Variants in CEP41 observed in about 807,000 individuals in gnomAD.
CEP41 encodes the protein centrosomal protein of 41 kDa.
CEP41 carries 32 observed loss-of-function variants against 44.3 expected under a neutral mutation model. The observed-to-expected ratio is 0.72, with a 90% CI of 0.54 to 0.97. The LOEUF is 0.97. Ranked by LOEUF, CEP41 falls within the 50% of genes least tolerant of loss-of-function variation. The pLI is 0.00. For missense variants in CEP41, 432 were observed against 455.2 expected, an observed-to-expected ratio of 0.95 and a Z score of 0.46; for synonymous variants, 151 against 168.5, an observed-to-expected ratio of 0.90 and a Z score of 0.80.
rs542821366 is a variant in CEP41 at position 130,401,693 on chromosome 7, C to T, written c.642+188G>A. The stretch of plus-strand genomic sequence containing the variant: ...TAGTGTTTTTTGGCCCAGGGCAAGA[C>T]GGTTTGAAAGCATCCGCCTAAAGAG... On this transcript the variant is annotated intron_variant, in intron 8 of 10. Coordinates refer to ENST00000223208, the MANE Select transcript of CEP41 (RefSeq NM_018718.3). Among the ~76,000 whole-genome samples the T allele has an allele frequency of 2.2e-4, 33 of 152,238 alleles. 1 individual carries two copies. The South Asian group carries it at 3.3e-3, about 15-fold the overall frequency.
chr7:130,420,796 G>A lies in CEP41; in HGVS notation c.98-3830C>T, dbSNP rs1294185114. On this transcript the variant is annotated intron_variant, in intron 2 of 10. Coordinates refer to ENST00000223208, the MANE Select transcript of CEP41 (RefSeq NM_018718.3). ...CAATAAATAAATAAATAAATAAATA[G>A]GAAAAATACACATTTGCTGAATGAA... 4.9e-6 allele frequency: 3 copies of A among 614,326 alleles called. No homozygotes were observed. The African/African-American group carries it at 6.0e-5, about 12-fold the overall frequency. 38.1% of individuals were successfully genotyped at this position (614,326 alleles called of 1,614,324 possible).
Position 130,401,918 on chromosome 7 carries a change from C to A in CEP41, c.605G>T (p.Arg202Ile). The A allele has an allele frequency of 6.2e-7, 1 of 1,610,930 alleles. No individual in the cohort carries two copies. Among genetic ancestry groups the A allele is most frequent in the South Asian group, 1.1e-5 (1 of 90,982 alleles). ...AYSYPIATLS[R>I]TMNPYSNDIL... ...ATCATTTGAATAAGGGTTCATTGTT[C>A]TAGACAGAGTTGCAATTGGGTAACT... The change falls in exon 8 of 11, where the codon AGA becomes ATA. Residue 202 changes from arginine to isoleucine, a missense_variant. By Grantham distance (97) the Arg-to-Ile change is moderately conservative. Transcript: ENST00000223208.
intron 2 of CEP41, chr7:130,421,140 GCAAA>G: frequency 1.0e-6 from 1 of 985,350 alleles, no homozygotes; most frequent in African/African-American, 1.7e-5. Context: ...ACAGTGCTGT[GCAAA>G]CACAGAGTGC....
intron 2 of CEP41, among the ~76,000 whole-genome samples, chr7:130,423,189 C>A (rs1554422649): frequency 6.6e-6 from 1 of 152,186 alleles, no homozygotes; most frequent in Non-Finnish European, 1.5e-5. Flanking sequence ...CTAAGGCAAT[C>A]CACCTGCCTC....
At chr7:130,400,645 T>A in intron 9 of CEP41, 62 bp downstream of exon 9, 1 of 964,852 alleles carries the variant, frequency 1.0e-6, no homozygotes, top group Non-Finnish European at 1.6e-6. Context: ...GAAAAGGGGA[T>A]GCAGGTGGGA....
Position 130,396,301 on chromosome 7 carries a change from G to T in CEP41, c.*2590C>A. 2.2e-6 allele frequency: 1 copy of T among 454,014 alleles called. No homozygotes were observed. The highest frequency in any genetic ancestry group is 4.4e-6 in the Non-Finnish European group (1 of 226,734). 28.1% of individuals were successfully genotyped at this position (454,014 alleles called of 1,614,324 possible). A position where few individuals can be genotyped will look rare whatever the true frequency, so the allele number is the denominator to read the frequency against. On this transcript the variant is annotated 3_prime_UTR_variant, in exon 11 of 11. Transcript: ENST00000223208. The stretch of plus-strand genomic sequence containing the variant: ...AGGAAGCCATGATCCAGTTGTTGAA[G>T]GTGGCTTCAGTCCCAGCCTGAGCAG...
chr7:130,411,793 G>A (rs1426923606), intron 4 of CEP41, among the ~76,000 whole-genome samples: 2 of 152,104 alleles, frequency 1.3e-5, no homozygotes, highest in African/African-American at 4.8e-5. Context: ...GCTCTGGCAG[G>A]ATGATTTGGA....
At chr7:130,427,501 T>C (rs1326035764) in intron 2 of CEP41, among the ~76,000 whole-genome samples, 1 of 152,166 alleles carries the variant, frequency 6.6e-6, no homozygotes, top group African/African-American at 2.4e-5. Flanking sequence ...AAAACACAAT[T>C]CATACTCAGC....
intron 5 of CEP41, among the ~76,000 whole-genome samples, chr7:130,405,880 G>A (rs138094039): frequency 9.3e-4 from 141 of 152,282 alleles, no homozygotes; most frequent in African/African-American, 3.2e-3. Context: ...GTTTGTGTGA[G>A]CTGGATTTTC....
chr7:130,408,293 T>C (rs1353781144), intron 5 of CEP41, among the ~76,000 whole-genome samples: 1 of 152,238 alleles, frequency 6.6e-6, no homozygotes, highest in African/African-American at 2.4e-5. Flanking sequence ...AGCCTGGAAA[T>C]TGTTCCAACT....
intron 6 of CEP41, among the ~76,000 whole-genome samples, chr7:130,404,046 A>T (rs1400833801): frequency 6.6e-6 from 1 of 152,194 alleles, no homozygotes; most frequent in East Asian, 1.9e-4. Context: ...TAATCCTTGG[A>T]ATAAGGAGGC....
In CEP41 at chr7:130,437,795, G is replaced by GA. The variant is rs1554426548; in HGVS notation, c.33+3138dup. Among the ~76,000 whole-genome samples the GA allele has an allele frequency of 3.1e-3, 375 of 120,200 alleles. 2 individuals are homozygous for GA. Among genetic ancestry groups the GA allele is most frequent in the African/African-American group, 9.8e-3 (309 of 31,458 alleles). The allele number at this position is 120,200 out of a possible 152,430, so 78.9% of individuals were successfully genotyped here. A position where few individuals can be genotyped will look rare whatever the true frequency, so the allele number is the denominator to read the frequency against. ...AAAAAAAAAAAAAAAAAAAGAAAAA[G>GA]AAAAAAAAAGATGTTGATGATTTTC... On this transcript the variant is annotated intron_variant, in intron 1 of 10. Transcript: ENST00000223208.
intron 3 of CEP41, 63 bp downstream of exon 3, chr7:130,416,856 A>C: frequency 7.9e-7 from 1 of 1,267,280 alleles, no homozygotes; most frequent in African/African-American, 1.5e-5. Flanking sequence ...TTGTTAGTTA[A>C]GAACCAATTT....
At chr7:130,411,060 G>T in intron 5 of CEP41, 62 bp downstream of exon 5, 1 of 1,379,032 alleles carries the variant, frequency 7.3e-7, no homozygotes, top group Non-Finnish European at 1.0e-6. Flanking sequence ...AATGTGTACA[G>T]GGTGAGTGTT....
chr7:130,434,228 C>T (rs1554425705), intron 1 of CEP41, among the ~76,000 whole-genome samples: 1 of 152,156 alleles, frequency 6.6e-6, no homozygotes, highest in African/African-American at 2.4e-5. Context: ...TATCATCAGG[C>T]ACTAAGCATT....
intron 1 of CEP41, among the ~76,000 whole-genome samples, chr7:130,435,055 T>C (rs1288744068): frequency 1.3e-5 from 2 of 152,264 alleles, no homozygotes; most frequent in East Asian, 1.9e-4. Flanking sequence ...CCAGGATATA[T>C]TGTTAAGTGA....
At position 130,396,447 on chromosome 7, in the gene CEP41, C is replaced by A. The variant is rs546744390; in HGVS notation, c.*2444G>T. The A allele has an allele frequency of 4.4e-6, 2 of 454,492 alleles. No homozygotes were observed. The highest frequency in any genetic ancestry group is 4.0e-5 in the African/African-American group (2 of 50,110). 28.2% of individuals were successfully genotyped at this position (454,492 alleles called of 1,614,324 possible). On this transcript the variant is annotated 3_prime_UTR_variant, in exon 11 of 11. Transcript: ENST00000223208. Reference sequence around the variant, plus strand: ...CCTAGGAGATGCAGCAAAAATCACACCAGTCTCCTGTGGCTCCCCCAAATC... The same window carrying A: ...CCTAGGAGATGCAGCAAAAATCACAACAGTCTCCTGTGGCTCCCCCAAATC...
At chr7:130,416,568 A>G (rs1469218801) in intron 3 of CEP41, among the ~76,000 whole-genome samples, 1 of 152,258 alleles carries the variant, frequency 6.6e-6, no homozygotes, top group Non-Finnish European at 1.5e-5. Context: ...AAATAGAGAC[A>G]AAATAAGACA....
In CEP41 at chr7:130,394,876, G is replaced by A. The variant is rs1796614915; in HGVS notation, c.*4015C>T. 3 of 454,012 alleles carry A rather than the reference G, an allele frequency of 6.6e-6. No individual in the cohort carries two copies. Among genetic ancestry groups the A allele is most frequent in the South Asian group, 4.7e-5 (3 of 64,486 alleles). 28.1% of individuals were successfully genotyped at this position (454,012 alleles called of 1,614,324 possible). ...ATATTGATATCCTTTAAAAGATGCA[G>A]CCCATCCGTCCACAGCATTTGAGAA... is the stretch of plus-strand genomic sequence containing the variant. On this transcript the variant is annotated 3_prime_UTR_variant, in exon 11 of 11. Coordinates refer to ENST00000223208, the MANE Select transcript of CEP41 (RefSeq NM_018718.3).
Sources: allele counts gnomAD v4.1 joint callset (sites outside exome capture counted in the v4.1 genomes callset), GRCh38; gene constraint gnomAD v4.1.1; transcripts MANE v1.5; gene names NCBI Gene and HGNC (gene_info 2026-07-23, HGNC 2026-07-21).